Variants in SF3B1 observed in about 807,000 individuals in gnomAD.
SF3B1 encodes the protein pre-mRNA processing 10.
SF3B1 carries 12 observed loss-of-function variants against 153.8 expected under a neutral mutation model. The ratio of observed to expected loss-of-function variants is 0.08; its 90% CI spans 0.05 to 0.13. SF3B1 has a LOEUF of 0.13. SF3B1 is among the 10% of genes least tolerant of loss of function. SF3B1 has a pLI of 1.00. For missense variants in SF3B1, 513 were observed against 1,606.1 expected (o/e 0.32, Z 11.63); for synonymous variants, 498 against 525.2 (o/e 0.95, Z 0.71).
intron 6 of SF3B1, 82 bp from the exon 7 acceptor site, chr2:197,410,089 GA>G (rs2085045723): frequency 1.0e-6 from 1 of 984,278 alleles, no homozygotes; most frequent in African/African-American, 1.7e-5. Flanking sequence ...AACTTTAAAC[GA>G]AAAATGTTTT....
chr2:197,397,047 C>T (rs1030161051), intron 22 of SF3B1, among the ~76,000 whole-genome samples: 3 of 152,184 alleles, frequency 2.0e-5, no homozygotes, highest in African/African-American at 4.8e-5. Flanking sequence ...TGTGGTGTCT[C>T]GTTTTCTACA....
chr2:197,416,992 A>G, intron 5 of SF3B1, 81 bp from the exon 6 acceptor site: 1 of 1,347,352 alleles, frequency 7.4e-7, no homozygotes, highest in Non-Finnish European at 1.0e-6. Flanking sequence ...TCCACTTAAC[A>G]TCCTATTTTA....
At chr2:197,396,006 A>G in intron 23 of SF3B1, 50 bp downstream of exon 23, 1 of 1,472,960 alleles carries the variant, frequency 6.8e-7, no homozygotes, top group Non-Finnish European at 9.3e-7. Context: ...ATGTTCTAAA[A>G]TGAAGGAAGA....
At position 197,410,025 on chromosome 2, in the gene SF3B1, A is replaced by AT; in HGVS notation, c.667-19dup. Reference sequence around the variant, plus strand: ...CCAGGGGTCTTAAAAAAGCAAAAAAATTTTATTTCACACACCCACACAGAA... The same window carrying AT: ...CCAGGGGTCTTAAAAAAGCAAAAAAATTTTTATTTCACACACCCACACAGAA... On this transcript the variant is annotated intron_variant, in intron 6 of 24. Transcript: ENST00000335508. 6.6e-7 allele frequency: 1 copy of AT among 1,524,832 alleles called. No homozygotes were observed. The highest frequency in any genetic ancestry group is 1.9e-5 in the Admixed American group (1 of 53,048). 94.5% of individuals were successfully genotyped at this position (1,524,832 alleles called of 1,614,324 possible).
chr2:197,395,232 C>T (rs2084862590), intron 23 of SF3B1, among the ~76,000 whole-genome samples: 1 of 152,186 alleles, frequency 6.6e-6, no homozygotes, highest in Non-Finnish European at 1.5e-5. Context: ...GGGTGATTTA[C>T]CCTCATTTTT....
Position 197,392,087 on chromosome 2 carries a change from T to C in SF3B1, c.*216A>G, listed in dbSNP as rs1245603031. The C allele has an allele frequency of 2.9e-6, 1 of 348,616 alleles. No individual in the cohort carries two copies. Among genetic ancestry groups the C allele is most frequent in the Non-Finnish European group, 5.2e-6 (1 of 193,850 alleles). The allele number at this position is 348,616 out of a possible 1,614,324, so 21.6% of individuals were successfully genotyped here. On this transcript the variant is annotated 3_prime_UTR_variant, in exon 25 of 25. Transcript: ENST00000335508. ...TAAAAATGAAATCCCTCCAGTATAG[T>C]GTATATAATCACTGTGTTCTTGGTC...
intron 11 of SF3B1, 36 bp from the exon 12 acceptor site, chr2:197,403,800 T>TTA: frequency 6.7e-7 from 1 of 1,483,670 alleles, no homozygotes; most frequent in Non-Finnish European, 9.0e-7. Context: ...TGTGGTTTCT[T>TTA]TATAATCAAA....
In SF3B1 at chr2:197,401,532, G is replaced by C; in HGVS notation, c.2371-7C>G. The stretch of plus-strand genomic sequence containing the variant: ...CACAACACTGTTTTACCACCTAAAA[G>C]GTTAAGAAATAGTAATAATAAATCA... On this transcript the variant is annotated splice_region_variant and splice_polypyrimidine_tract_variant and intron_variant, in intron 16 of 24. Coordinates refer to ENST00000335508, the MANE Select transcript of SF3B1 (RefSeq NM_012433.4). The surrounding 1 kb of genome is among the most constrained non-coding windows in gnomAD (Gnocchi z 4.2). 1 of 1,606,906 alleles carries C rather than the reference G, an allele frequency of 6.2e-7. No individual in the cohort carries two copies.
intron 11 of SF3B1, 25 bp downstream of exon 11, chr2:197,405,050 TG>T: frequency 7.0e-7 from 1 of 1,438,492 alleles, no homozygotes; most frequent in Middle Eastern, 2.0e-4. Context: ...GCAACAAACA[TG>T]ACAATTTAAC....
chr2:197,397,280 G>A (rs1007382290), intron 22 of SF3B1, among the ~76,000 whole-genome samples: 1 of 152,048 alleles, frequency 6.6e-6, no homozygotes, highest in Non-Finnish European at 1.5e-5. Context: ...GAACTCCTGG[G>A]CTCAAACAAT....
rs2085222817 is a variant in SF3B1 at position 197,420,513 on chromosome 2, T to C, written c.330A>G (p.Pro110=). ...ATTCATCTTCCCGGTCTGCAATCTTTGGAGGTCTGTGCTCAGCAAATGGAT... is the reference window on the plus strand; with the variant it reads ...ATTCATCTTCCCGGTCTGCAATCTTCGGAGGTCTGTGCTCAGCAAATGGAT... The part of the protein sequence containing the change: ...QYDPFAEHRP[P]KIADREDEYK... The change falls in exon 4 of 25, where the codon CCA becomes CCG. Residue 110 remains proline (P), a synonymous_variant. Transcript: ENST00000335508. 1 of 1,613,118 alleles carries C rather than the reference T, an allele frequency of 6.2e-7. No individual in the cohort carries two copies. Among genetic ancestry groups the C allele is most frequent in the East Asian group, 2.2e-5 (1 of 44,874 alleles).
chr2:197,431,914 G>A (rs925862943), intron 1 of SF3B1, among the ~76,000 whole-genome samples: 1 of 152,010 alleles, frequency 6.6e-6, no homozygotes, highest in Non-Finnish European at 1.5e-5. Context: ...CTTGAGCCCA[G>A]GAGTTCGAGA....
rs2084927777 is a variant in SF3B1 at position 197,400,572 on chromosome 2, GAAT to G, written c.2718+140_2719-139del. 1 of 1,006,470 alleles carries G rather than the reference GAAT, an allele frequency of 9.9e-7. No individual in the cohort carries two copies. The highest frequency in any genetic ancestry group is 1.4e-6 in the Non-Finnish European group (1 of 693,548). The allele number at this position is 1,006,470 out of a possible 1,614,324, so 62.3% of individuals were successfully genotyped here. On this transcript the variant is annotated intron_variant, in intron 18 of 24. Coordinates refer to ENST00000335508, the MANE Select transcript of SF3B1 (RefSeq NM_012433.4). This position sits in a 1 kb window ranked among gnomAD's most constrained non-coding sequence, Gnocchi z 5.0. ...ACATCAAATCTTAAAACTTGAGGTAGAATAATATCGTTTGGTAACCCCCTGAGC... is the reference window on the plus strand; with the variant it reads ...ACATCAAATCTTAAAACTTGAGGTAGAATATCGTTTGGTAACCCCCTGAGC...
chr2:197,429,679 G>A (rs902190516), intron 1 of SF3B1, among the ~76,000 whole-genome samples: 19 of 152,030 alleles, frequency 1.2e-4, no homozygotes, highest in Non-Finnish European at 2.1e-4. Context: ...AGCTACTCGG[G>A]AGGCTGAGGC....
chr2:197,420,192 G>A (rs2085217155), intron 4 of SF3B1: 3 of 432,874 alleles, frequency 6.9e-6, no homozygotes, highest in Non-Finnish European at 1.3e-5. Flanking sequence ...AACCCTTTGC[G>A]TTTCTATGGC....
intron 1 of SF3B1, among the ~76,000 whole-genome samples, 154 bp downstream of exon 1, chr2:197,434,817 GC>G (rs2085497259): frequency 6.6e-6 from 1 of 152,272 alleles, no homozygotes; most frequent in South Asian, 2.1e-4. Context: ...CGGGGCAGTG[GC>G]CTGCGCCGCT....
chr2:197,423,662 T>C (rs1239320164), intron 2 of SF3B1, 146 bp downstream of exon 2: 2 of 707,578 alleles, frequency 2.8e-6, no homozygotes, highest in Non-Finnish European at 4.6e-6. Flanking sequence ...TTCTGAACCT[T>C]AGAGAGGATA....
Position 197,403,633 on chromosome 2 carries a change from A to G in SF3B1, c.1671T>C (p.Asp557=). The G allele has an allele frequency of 6.3e-7, 1 of 1,595,070 alleles. No homozygotes were observed. The change falls in exon 12 of 25, where the codon GAT becomes GAC. Residue 557 remains aspartate, a synonymous_variant. Coordinates refer to ENST00000335508, the MANE Select transcript of SF3B1 (RefSeq NM_012433.4). ...QERHLLVKVI[D]RILYKLDDLV... ...AGTCATCAAGTTTGTACAGTATCCT[A>G]TCAATAACTTTCACAAGTAAATGAC... is the stretch of plus-strand genomic sequence containing the variant.
chr2:197,434,833 C>A (rs2085497458), intron 1 of SF3B1, 139 bp downstream of exon 1: 3 of 852,322 alleles, frequency 3.5e-6, no homozygotes, highest in African/African-American at 3.4e-5. Context: ...GCCGCTGGCG[C>A]GGAGGAGACG....
Sources: gnomAD v4.1 joint callset for allele counts (sites outside exome capture counted in the v4.1 genomes callset) on GRCh38, gnomAD v4.1.1 for gene constraint, Gnocchi (gnomAD v3.1) non-coding constraint, MANE v1.5 for transcripts, NCBI Gene and HGNC (gene_info 2026-07-23, HGNC 2026-07-21) for gene names.